Variants in TRPM3 observed in about 807,000 individuals in gnomAD.
The protein encoded by TRPM3 is transient receptor potential cation channel subfamily M member 3.
A neutral mutation model predicts 181.2 loss-of-function variants in TRPM3; 77 were observed. That is an observed-to-expected ratio of 0.42 (90% confidence interval 0.35 to 0.51). The LOEUF is 0.51. Ranked by LOEUF, TRPM3 falls within the 20% of genes least tolerant of loss-of-function variation. The pLI is 0.01. For missense variants in TRPM3, 1,759 were observed against 2,196.7 expected (o/e 0.80, Z 3.98); for synonymous variants, 745 against 796.4 (o/e 0.94, Z 1.09).
chr9:71,269,806 C>A (rs1029103444), intron 1 of TRPM3, among the ~76,000 whole-genome samples: 19 of 152,128 alleles, frequency 1.2e-4, no homozygotes, highest in Admixed American at 7.9e-4. Context: ...AACAGTAGAA[C>A]CTCTTTCATG....
intron 1 of TRPM3, among the ~76,000 whole-genome samples, chr9:71,041,986 G>T (rs1341103273): frequency 6.6e-6 from 1 of 152,082 alleles, no homozygotes. Flanking sequence ...CCAATTTCAT[G>T]TGAGGTACTG....
At chr9:70,662,738 A>T (rs2061308753) in intron 9 of TRPM3, among the ~76,000 whole-genome samples, 1 of 140,658 alleles carries the variant, frequency 7.1e-6, no homozygotes, top group Non-Finnish European at 1.5e-5. Flanking sequence ...ATGTCAAAGA[A>T]CAATAGATGT....
intron 1 of TRPM3, among the ~76,000 whole-genome samples, chr9:70,878,892 C>T (rs565043889): frequency 6.6e-6 from 1 of 152,206 alleles, no homozygotes; most frequent in South Asian, 2.1e-4. Flanking sequence ...GATTCCCTTA[C>T]ATCTAAGTTG....
chr9:71,316,832 T>C (rs935092498), intron 1 of TRPM3, among the ~76,000 whole-genome samples: 1 of 152,008 alleles, frequency 6.6e-6, no homozygotes, highest in Non-Finnish European at 1.5e-5. Context: ...CAAAAGAAAA[T>C]TGATATCACT....
chr9:71,087,080 G>A (rs114600231), intron 1 of TRPM3, among the ~76,000 whole-genome samples: 185 of 151,970 alleles, frequency 1.2e-3, no homozygotes, highest in African/African-American at 4.1e-3. Flanking sequence ...TTGTCTCTTC[G>A]TGGCCTCAAA....
chr9:70,838,820 C>A (rs2094472309), intron 5 of TRPM3, among the ~76,000 whole-genome samples: 3 of 151,996 alleles, frequency 2.0e-5, no homozygotes, highest in African/African-American at 7.2e-5. Context: ...TATTCCTCAC[C>A]AAAATCTGTT....
At chr9:71,360,211 T>C (rs17056736) in intron 1 of TRPM3, among the ~76,000 whole-genome samples, 3,491 of 152,302 alleles carry the variant, frequency 0.023, 132 homozygotes, top group African/African-American at 0.078. Context: ...CACTAAGAGA[T>C]AGTAGCCAAT....
intron 1 of TRPM3, among the ~76,000 whole-genome samples, chr9:71,119,140 AT>A (rs955272813): frequency 6.6e-6 from 1 of 152,132 alleles, no homozygotes; most frequent in African/African-American, 2.4e-5. Flanking sequence ...GTATGACTTT[AT>A]TTTTTTAAGA....
Position 70,782,632 on chromosome 9 carries a change from A to T in TRPM3, c.1148+1473T>A, listed in dbSNP as rs2082710479. On this transcript the variant is annotated intron_variant, in intron 7 of 25. Coordinates refer to ENST00000677713, the MANE Select transcript of TRPM3 (RefSeq NM_001366145.2). ...TAGGTTCTGAGCTATAAAGTGGACCAATATTTACTATAAAATATAATAGTA... is the reference window on the plus strand; with the variant it reads ...TAGGTTCTGAGCTATAAAGTGGACCTATATTTACTATAAAATATAATAGTA... 2.6e-5 allele frequency among the ~76,000 whole-genome samples: 4 copies of T among 152,152 alleles called. No individual in the cohort carries two copies. The South Asian group carries it at 8.3e-4, about 31-fold the overall frequency.
At position 71,162,224 on chromosome 9, in the gene TRPM3, GAAA is replaced by G. The variant is rs1231439885; in HGVS notation, c.183+284426_183+284428del. On this transcript the variant is annotated intron_variant, in intron 1 of 24. Transcript: ENST00000357533. Reference sequence around the variant, plus strand: ...CAAAAAAAAAAAAAAAAAAAAAGAAGAAAAAGAAAAAGAAAAAAGGAAATAGCT... The same window carrying G: ...CAAAAAAAAAAAAAAAAAAAAAGAAGAAGAAAAAGAAAAAAGGAAATAGCT... Among the ~76,000 whole-genome samples, 264 of 133,792 alleles carry G rather than the reference GAAA, an allele frequency of 2.0e-3. 1 individual carries two copies. Among genetic ancestry groups the G allele is most frequent in the East Asian group, 4.8e-3 (22 of 4,538 alleles). The allele number at this position is 133,792 out of a possible 152,430, so 87.8% of individuals were successfully genotyped here.
rs1172201985 is a variant in TRPM3 at position 71,351,818 on chromosome 9, A to G, written c.183+94835T>C. On this transcript the variant is annotated intron_variant, in intron 1 of 24. Transcript: ENST00000357533. ...AATAAAGGTTATGGGAGGAGAGGCA[A>G]TAAGAAGGTAGGAGAGAGTAAAGGA... is the stretch of plus-strand genomic sequence containing the variant. Among the ~76,000 whole-genome samples, 2 of 152,034 alleles carry G rather than the reference A, an allele frequency of 1.3e-5. 1 individual carries two copies. The highest frequency in any genetic ancestry group is 2.9e-5 in the Non-Finnish European group (2 of 67,984).
chr9:71,264,757 A>G (rs777571889), intron 1 of TRPM3, among the ~76,000 whole-genome samples: 1 of 152,168 alleles, frequency 6.6e-6, no homozygotes, highest in African/African-American at 2.4e-5. Flanking sequence ...GTACTTGCCA[A>G]CTGCACATGG....
At chr9:70,909,401 A>G (rs1439209795) in intron 1 of TRPM3, among the ~76,000 whole-genome samples, 6 of 152,050 alleles carry the variant, frequency 3.9e-5, no homozygotes, top group Non-Finnish European at 5.9e-5. Flanking sequence ...CCTTCATAGT[A>G]TGGTAGGGTT....
intron 1 of TRPM3, among the ~76,000 whole-genome samples, chr9:71,180,942 TAGG>T (rs1336838913): frequency 1.3e-5 from 2 of 152,126 alleles, no homozygotes; most frequent in African/African-American, 2.4e-5. Flanking sequence ...CTTTTAGTCG[TAGG>T]AGAAGTACGT....
At chr9:71,420,699 AAG>A (rs72457284) in intron 1 of TRPM3, among the ~76,000 whole-genome samples, 76,298 of 103,388 alleles carry the variant, frequency 0.74, 28,864 homozygotes, top group East Asian at 0.86. Context: ...GGGAAAGAGA[AAG>A]AGAGAGAAAG....
intron 1 of TRPM3, among the ~76,000 whole-genome samples, chr9:71,376,248 A>C (rs1309166405): frequency 6.6e-6 from 1 of 151,990 alleles, no homozygotes; most frequent in Non-Finnish European, 1.5e-5. Context: ...GGAATTTTAT[A>C]TCTCATCATT....
chr9:71,080,231 C>T (rs1037220119), intron 1 of TRPM3, among the ~76,000 whole-genome samples: 2 of 138,898 alleles, frequency 1.4e-5, no homozygotes, highest in African/African-American at 5.6e-5. Context: ...AGACTTTGTT[C>T]TCTACGATTC....
intron 1 of TRPM3, among the ~76,000 whole-genome samples, chr9:71,099,636 C>T (rs1180535528): frequency 2.0e-5 from 3 of 152,106 alleles, no homozygotes; most frequent in African/African-American, 7.2e-5. Context: ...CTGGGGCAAG[C>T]CCATTATGCC....
rs73647971 is a variant in TRPM3, at chr9:71,220,212, A to G, written c.183+226441T>C. Reference sequence around the variant, plus strand: ...GTTTATCCCATATTTGACACTAGCAACTCTCTCCAAAGGTGATATCTAGAC... The same window carrying G: ...GTTTATCCCATATTTGACACTAGCAGCTCTCTCCAAAGGTGATATCTAGAC... On this transcript the variant is annotated intron_variant, in intron 1 of 24. Coordinates refer to the TRPM3 transcript ENST00000357533. 3.4e-3 allele frequency among the ~76,000 whole-genome samples: 518 copies of G among 152,174 alleles called. 4 individuals are homozygous for G. The highest frequency in any genetic ancestry group is 0.012 in the African/African-American group (500 of 41,516).
Sources: gnomAD v4.1 joint callset for allele counts (sites outside exome capture counted in the v4.1 genomes callset) on GRCh38, gnomAD v4.1.1 for gene constraint, MANE v1.5 for transcripts, NCBI Gene and HGNC (gene_info 2026-07-23, HGNC 2026-07-21) for gene names.